ERBB4: variants seen among roughly 807,000 people sequenced by gnomAD.
The protein encoded by ERBB4 is receptor tyrosine-protein kinase erbB-4.
A neutral mutation model predicts 158.0 loss-of-function variants in ERBB4; 42 were observed. The observed-to-expected ratio is 0.27, with a 90% confidence interval of 0.21 to 0.34. ERBB4 has a LOEUF of 0.34. ERBB4 is among the 10% of genes least tolerant of loss of function. The pLI, the probability that ERBB4 is intolerant of heterozygous loss-of-function variation, is 1.00. For missense variants in ERBB4, 1,333 were observed against 1,624.1 expected, an observed-to-expected ratio of 0.82 and a Z score of 3.08; for synonymous variants, 583 against 558.7, an observed-to-expected ratio of 1.04 and a Z score of -0.61.
intron 20 of ERBB4, among the ~76,000 whole-genome samples, chr2:211,478,649 C>T (rs1459310909): frequency 6.6e-6 from 1 of 151,764 alleles, no homozygotes; most frequent in Non-Finnish European, 1.5e-5. Flanking sequence ...TGAATCTACT[C>T]ACTTCTCTCC....
At chr2:212,221,483 C>T (rs763634985) in intron 1 of ERBB4, among the ~76,000 whole-genome samples, 2 of 151,468 alleles carry the variant, frequency 1.3e-5, no homozygotes, top group Non-Finnish European at 1.5e-5. Context: ...TTTGGGAATA[C>T]AGACATCTCA....
intron 2 of ERBB4, among the ~76,000 whole-genome samples, chr2:212,020,882 C>G (rs1410947667): frequency 6.6e-6 from 1 of 152,034 alleles, no homozygotes; most frequent in Non-Finnish European, 1.5e-5. Flanking sequence ...TATTACTAAA[C>G]AGGTTTTTGT....
intron 1 of ERBB4, among the ~76,000 whole-genome samples, chr2:212,438,205 A>G (rs2092178984): frequency 6.8e-6 from 1 of 147,266 alleles, no homozygotes; most frequent in African/African-American, 2.5e-5. Context: ...TAATGGAAAG[A>G]AAAAAAAAAT....
chr2:212,518,250 T>C (rs76499795), intron 1 of ERBB4, among the ~76,000 whole-genome samples: 2,288 of 152,138 alleles, frequency 0.015, 56 homozygotes, highest in African/African-American at 0.052. Flanking sequence ...ACATAGTTTG[T>C]ACATAGAAAA....
chr2:211,770,049 A>C (rs1490893314), intron 4 of ERBB4, among the ~76,000 whole-genome samples: 1 of 152,202 alleles, frequency 6.6e-6, no homozygotes, highest in Admixed American at 6.5e-5. Flanking sequence ...AATTTAACTC[A>C]GTTTTACCAA....
intron 19 of ERBB4, among the ~76,000 whole-genome samples, chr2:211,570,788 C>T (rs1296921382): frequency 3.9e-5 from 6 of 152,082 alleles, no homozygotes. Context: ...GCTATTTCTT[C>T]ATGTTATCCT....
At chr2:211,954,427 C>T (rs2080970630) in intron 2 of ERBB4, among the ~76,000 whole-genome samples, 1 of 151,808 alleles carries the variant, frequency 6.6e-6, no homozygotes, top group South Asian at 2.1e-4. Context: ...TATACCTATC[C>T]ATTTTTGTTA....
At chr2:212,051,440 T>G (rs927082770) in intron 2 of ERBB4, among the ~76,000 whole-genome samples, 2 of 152,174 alleles carry the variant, frequency 1.3e-5, no homozygotes, top group East Asian at 3.9e-4. Context: ...AAGACTTTTA[T>G]TTTTAAGGTT....
At chr2:211,433,592 A>G (rs1047688924) in intron 20 of ERBB4, among the ~76,000 whole-genome samples, 1 of 150,224 alleles carries the variant, frequency 6.7e-6, no homozygotes, top group Middle Eastern at 3.4e-3. Flanking sequence ...AAAATAAAAT[A>G]AAATAAAAAA....
intron 5 of ERBB4, among the ~76,000 whole-genome samples, chr2:211,747,052 T>C (rs1443548266): frequency 3.9e-5 from 6 of 152,058 alleles, no homozygotes; most frequent in Non-Finnish European, 1.5e-5. Flanking sequence ...ATAACATACG[T>C]AGTTCAAAAA....
At chr2:211,541,439 T>C (rs1225282591) in intron 20 of ERBB4, among the ~76,000 whole-genome samples, 1 of 152,022 alleles carries the variant, frequency 6.6e-6, no homozygotes, top group Non-Finnish European at 1.5e-5. Context: ...TTAACTTTGC[T>C]TCATTTCACT....
At chr2:211,486,750 G>C (rs1339776335) in intron 20 of ERBB4, among the ~76,000 whole-genome samples, 2 of 152,082 alleles carry the variant, frequency 1.3e-5, no homozygotes, top group Non-Finnish European at 2.9e-5. Context: ...TGTGGGTGAT[G>C]TTAGCACCCA....
intron 1 of ERBB4, among the ~76,000 whole-genome samples, chr2:212,414,814 A>G (rs2091605627): frequency 6.6e-6 from 1 of 152,192 alleles, no homozygotes; most frequent in Non-Finnish European, 1.5e-5. Flanking sequence ...AGGCTAACTC[A>G]CAGTCTGTGA....
intron 1 of ERBB4, among the ~76,000 whole-genome samples, chr2:212,443,886 A>T (rs2092301881): frequency 6.6e-6 from 1 of 152,174 alleles, no homozygotes; most frequent in Non-Finnish European, 1.5e-5. Context: ...TGGAAACTGA[A>T]CATTTGACCA....
At chr2:212,495,002 A>T (rs1429177662) in intron 1 of ERBB4, among the ~76,000 whole-genome samples, 4 of 152,142 alleles carry the variant, frequency 2.6e-5, no homozygotes, top group African/African-American at 9.7e-5. Flanking sequence ...TACTTATAAA[A>T]ATTAGTTTCC....
intron 2 of ERBB4, among the ~76,000 whole-genome samples, chr2:212,057,186 G>A (rs1360524511): frequency 3.3e-5 from 5 of 152,128 alleles, no homozygotes; most frequent in African/African-American, 1.2e-4. Context: ...ACAAAGAAGA[G>A]CATTACATAA....
intron 2 of ERBB4, among the ~76,000 whole-genome samples, chr2:211,948,523 T>C (rs929604435): frequency 6.6e-6 from 1 of 151,428 alleles, no homozygotes; most frequent in Admixed American, 6.6e-5. Context: ...GCCCACTGTT[T>C]AAATTTAGTT....
chr2:212,151,228 T>G (rs11902414), intron 1 of ERBB4, among the ~76,000 whole-genome samples: 14,496 of 151,448 alleles, frequency 0.096, 1,348 homozygotes, highest in African/African-American at 0.24. Flanking sequence ...CTAATCTCTT[T>G]GTTAAGCATT....
chr2:212,030,987 C>T (rs1376535453), intron 2 of ERBB4, among the ~76,000 whole-genome samples: 1 of 152,052 alleles, frequency 6.6e-6, no homozygotes, highest in Non-Finnish European at 1.5e-5. Flanking sequence ...ATTCCAGCCT[C>T]ATTACCTTTC....
Sources: allele counts gnomAD v4.1 joint callset (sites outside exome capture counted in the v4.1 genomes callset), GRCh38; gene constraint gnomAD v4.1.1; transcripts MANE v1.5; gene names NCBI Gene and HGNC (gene_info 2026-07-23, HGNC 2026-07-21).